DNAAF4: variants seen among roughly 807,000 people sequenced by gnomAD.
The protein encoded by DNAAF4 is dynein assembly factor 4, axonemal.
A neutral mutation model predicts 51.8 loss-of-function variants in DNAAF4; 43 were observed. The observed-to-expected ratio is 0.83, with a 90% CI of 0.65 to 1.07. The LOEUF is 1.07. Ranked by LOEUF, DNAAF4 falls within the 50% of genes least tolerant of loss-of-function variation. The pLI, the probability that DNAAF4 is intolerant of heterozygous loss-of-function variation, is 0.00. For missense variants in DNAAF4, 581 were observed against 493.0 expected, an observed-to-expected ratio of 1.18 and a Z score of -1.69; for synonymous variants, 194 against 165.6, an observed-to-expected ratio of 1.17 and a Z score of -1.32.
chr15:55,471,891 G>A (rs1387829546), intron 4 of DNAAF4, among the ~76,000 whole-genome samples: 1 of 151,984 alleles, frequency 6.6e-6, no homozygotes, highest in Non-Finnish European at 1.5e-5. Flanking sequence ...CCAGGCTGGA[G>A]TGCAGTAGCA....
At chr15:55,428,378 T>C (rs184692288), downstream of DNAAF4, among the ~76,000 whole-genome samples, 3 of 152,200 alleles carry the variant, frequency 2.0e-5, no homozygotes, top group African/African-American at 7.2e-5. Context: ...TACACTAAGT[T>C]TTTTAAAGTT....
chr15:55,420,360 C>A (rs1031600248), intron 7 of DNAAF4, among the ~76,000 whole-genome samples: 2 of 152,000 alleles, frequency 1.3e-5, no homozygotes, highest in African/African-American at 4.8e-5. Flanking sequence ...AGATTTATTT[C>A]AGCTGCCATC....
intron 4 of DNAAF4, among the ~76,000 whole-genome samples, chr15:55,474,519 G>A (rs985499943): frequency 9.2e-5 from 14 of 151,994 alleles, no homozygotes; most frequent in Admixed American, 4.6e-4. Flanking sequence ...GGGCGACAGC[G>A]TGAGGCTCCA....
chr15:55,447,900 T>C (rs1254774043), intron 6 of DNAAF4, among the ~76,000 whole-genome samples: 1 of 138,862 alleles, frequency 7.2e-6, no homozygotes, highest in Non-Finnish European at 1.6e-5. Context: ...CCTTTATTTC[T>C]TTCTCCTGCC....
intron 4 of DNAAF4, among the ~76,000 whole-genome samples, chr15:55,486,825 C>T (rs1232804660): frequency 6.6e-6 from 1 of 151,854 alleles, no homozygotes; most frequent in Non-Finnish European, 1.5e-5. Flanking sequence ...ATAAAATATC[C>T]CCATATCACC....
chr15:55,441,604 C>T (rs1287568424), intron 6 of DNAAF4, among the ~76,000 whole-genome samples: 1 of 151,366 alleles, frequency 6.6e-6, no homozygotes, highest in Non-Finnish European at 1.5e-5. Context: ...TGATGTTCCC[C>T]TTCCTGTGTC....
intron 4 of DNAAF4, among the ~76,000 whole-genome samples, chr15:55,489,556 T>G (rs2058540685): frequency 1.3e-5 from 2 of 151,016 alleles, no homozygotes; most frequent in South Asian, 4.2e-4. Context: ...ACATCTGTAG[T>G]CCCAGCTACT....
At chr15:55,442,916 G>A in intron 6 of DNAAF4, 1 of 1,611,672 alleles carries the variant, frequency 6.2e-7, no homozygotes, top group Admixed American at 1.7e-5. Context: ...AATCCAGGTG[G>A]TCCTTCTAGG....
At chr15:55,479,069 A>T (rs2058373631) in intron 4 of DNAAF4, among the ~76,000 whole-genome samples, 1 of 151,464 alleles carries the variant, frequency 6.6e-6, no homozygotes, top group Non-Finnish European at 1.5e-5. Flanking sequence ...CTGTCAGGGT[A>T]GGCCCACTAG....
At chr15:55,468,295 A>G (rs2058198959) in intron 4 of DNAAF4, among the ~76,000 whole-genome samples, 3 of 152,222 alleles carry the variant, frequency 2.0e-5, no homozygotes, top group African/African-American at 7.2e-5. Flanking sequence ...TCTACATGAC[A>G]TAATACTCTC....
At chr15:55,479,786 A>C (rs1250076722) in intron 4 of DNAAF4, among the ~76,000 whole-genome samples, 1 of 152,106 alleles carries the variant, frequency 6.6e-6, no homozygotes, top group Non-Finnish European at 1.5e-5. Context: ...AGTTGAGATA[A>C]GGACTGAGAT....
chr15:55,491,099 C>G, intron 4 of DNAAF4, 24 bp downstream of exon 4: 1 of 1,613,740 alleles, frequency 6.2e-7, no homozygotes. Flanking sequence ...CTTTAGAGGA[C>G]TTGCCTGTCA....
At chr15:55,446,934 T>C (rs1295408941) in intron 6 of DNAAF4, among the ~76,000 whole-genome samples, 1 of 128,366 alleles carries the variant, frequency 7.8e-6, no homozygotes, top group African/African-American at 3.1e-5. Context: ...GCAGAGGCGC[T>C]CCTCACATCC....
At chr15:55,467,414 A>G (rs1402873708) in intron 4 of DNAAF4, among the ~76,000 whole-genome samples, 6 of 152,116 alleles carry the variant, frequency 3.9e-5, no homozygotes, top group African/African-American at 1.4e-4. Context: ...TTAGGCAATC[A>G]CTTTCTCCAA....
At chr15:55,440,381 A>C (rs546743381) in intron 6 of DNAAF4, among the ~76,000 whole-genome samples, 1 of 145,828 alleles carries the variant, frequency 6.9e-6, no homozygotes, top group South Asian at 2.2e-4. Context: ...TGCAATATTT[A>C]TATATATATA....
chr15:55,422,225 A>G (rs554601771), intron 7 of DNAAF4, among the ~76,000 whole-genome samples: 1 of 152,048 alleles, frequency 6.6e-6, no homozygotes, highest in Non-Finnish European at 1.5e-5. Flanking sequence ...TTCAGCAAGG[A>G]GTTACTTTAG....
At chr15:55,466,613 C>G (rs1019991047) in intron 5 of DNAAF4, among the ~76,000 whole-genome samples, 1 of 152,138 alleles carries the variant, frequency 6.6e-6, no homozygotes, top group Non-Finnish European at 1.5e-5. Flanking sequence ...TCTGACATTG[C>G]TAGTCCACTC....
At chr15:55,483,833 CTTTTTTTTTTTTTTTTTTTT>C (rs71105887) in intron 4 of DNAAF4, among the ~76,000 whole-genome samples, 888 of 82,482 alleles carry the variant, frequency 0.011, 20 homozygotes, top group Non-Finnish European at 0.013. Flanking sequence ...GCCAATAAAG[CTTTTTTTTTTTTTTTTTTTT>C]TTTTTTTTTT....
intron 7 of DNAAF4, among the ~76,000 whole-genome samples, chr15:55,419,382 C>G (rs1054837320): frequency 6.6e-6 from 1 of 151,894 alleles, no homozygotes; most frequent in African/African-American, 2.4e-5. Context: ...AACAACCATG[C>G]CCCTAGCTAA....
Sources: allele counts gnomAD v4.1 joint callset (sites outside exome capture counted in the v4.1 genomes callset), GRCh38; gene constraint gnomAD v4.1.1; transcripts MANE v1.5; gene names NCBI Gene and HGNC (gene_info 2026-07-23, HGNC 2026-07-21).